Variants in ADAMTSL1 observed in about 807,000 individuals in gnomAD.
The protein encoded by ADAMTSL1 is ADAMTS-like protein 1.
ADAMTSL1 carries 126 observed loss-of-function variants against 201.8 expected under a neutral mutation model. That is an observed-to-expected ratio of 0.62 (90% CI 0.54 to 0.72). The LOEUF is 0.72. ADAMTSL1 is among the 30% of genes least tolerant of loss of function. The probability of loss-of-function intolerance (pLI) is 0.00; values close to 1 mark genes in which losing one functional copy is unlikely to be tolerated. For synonymous variants in ADAMTSL1, 1,121 were observed against 903.4 expected (o/e 1.24, Z -4.32); for missense variants, 2,679 against 2,277.8 (o/e 1.18, Z -3.59).
chr9:18,312,743 TGTCTTAAG>T (rs1324336512), intron 2 of ADAMTSL1, among the ~76,000 whole-genome samples: 1 of 152,204 alleles, frequency 6.6e-6, no homozygotes, highest in African/African-American at 2.4e-5. Flanking sequence ...CCTCTCTGAC[TGTCTTAAG>T]GTCTTTGAAA....
At chr9:18,372,189 T>A (rs1263267560) in intron 2 of ADAMTSL1, among the ~76,000 whole-genome samples, 2 of 152,090 alleles carry the variant, frequency 1.3e-5, no homozygotes, top group African/African-American at 4.8e-5. Context: ...CAAGAGGGAA[T>A]ACATAACAAA....
Position 18,465,884 on chromosome 9 carries a change from G to T in ADAMTSL1, c.208-38945G>T, listed in dbSNP as rs377294059. On this transcript the variant is annotated intron_variant, in intron 2 of 29. Transcript: ENST00000680146. ...CTGCCTCAGCCTCCAGAGTAGCTGG[G>T]ATTATAGGCGTGTGCCACCATGCCC... Among the ~76,000 whole-genome samples the T allele has an allele frequency of 1.8e-4, 27 of 152,244 alleles. No homozygotes were observed. The East Asian group carries it at 5.0e-3, about 28-fold the overall frequency.
intron 1 of ADAMTSL1, among the ~76,000 whole-genome samples, chr9:17,950,172 G>T (rs1827678510): frequency 6.6e-6 from 1 of 152,086 alleles, no homozygotes; most frequent in Non-Finnish European, 1.5e-5. Flanking sequence ...CTCCTAAAGT[G>T]TAGGGATTAC....
chr9:18,667,852 T>C lies in ADAMTSL1; in HGVS notation c.1085+5779T>C, dbSNP rs150749391. On this transcript the variant is annotated intron_variant, in intron 9 of 28. Coordinates refer to ENST00000380548, the MANE Select transcript of ADAMTSL1 (RefSeq NM_001040272.6). The stretch of plus-strand genomic sequence containing the variant: ...TTTTAACAACAGGAACTGTAAGTCC[T>C]AGGAAAATATGATCTTGAGAGTAAA... Among the ~76,000 whole-genome samples, 9 of 152,298 alleles carry C rather than the reference T, an allele frequency of 5.9e-5. No homozygotes were observed. The South Asian group carries it at 1.9e-3, about 32-fold the overall frequency.
chr9:18,710,972 A>G (rs1297188483), intron 14 of ADAMTSL1, among the ~76,000 whole-genome samples: 1 of 152,198 alleles, frequency 6.6e-6, no homozygotes, highest in Non-Finnish European at 1.5e-5. Flanking sequence ...CCAAAACGTT[A>G]CACATATGAA....
chr9:18,265,261 A>G (rs1832078576), intron 2 of ADAMTSL1, among the ~76,000 whole-genome samples: 1 of 150,930 alleles, frequency 6.6e-6, no homozygotes, highest in Non-Finnish European at 1.5e-5. Context: ...CTTCCCGGAT[A>G]CTCTTCTGCC....
intron 4 of ADAMTSL1, among the ~76,000 whole-genome samples, chr9:18,619,127 T>C (rs1207288977): frequency 6.6e-6 from 1 of 152,036 alleles, no homozygotes; most frequent in Non-Finnish European, 1.5e-5. Flanking sequence ...TAATAGCATG[T>C]GCACAGAGGG....
chr9:18,183,456 A>T (rs1479385144), intron 2 of ADAMTSL1, among the ~76,000 whole-genome samples: 1 of 152,218 alleles, frequency 6.6e-6, no homozygotes, highest in African/African-American at 2.4e-5. Flanking sequence ...AGACTGGGAG[A>T]AAGTATTTGC....
At chr9:18,110,342 C>A (rs1453083900) in intron 1 of ADAMTSL1, among the ~76,000 whole-genome samples, 1 of 144,954 alleles carries the variant, frequency 6.9e-6, no homozygotes, top group African/African-American at 2.5e-5. Flanking sequence ...ACTGGATTTG[C>A]GAACTGTGGC....
At chr9:18,716,475 C>A (rs200756036) in intron 14 of ADAMTSL1, among the ~76,000 whole-genome samples, 1 of 152,076 alleles carries the variant, frequency 6.6e-6, no homozygotes, top group Non-Finnish European at 1.5e-5. Context: ...CAGCCAAAAA[C>A]CACGTGAAAA....
At chr9:18,356,854 C>G (rs748266303) in intron 2 of ADAMTSL1, among the ~76,000 whole-genome samples, 4 of 152,138 alleles carry the variant, frequency 2.6e-5, no homozygotes, top group Non-Finnish European at 4.4e-5. Flanking sequence ...TTCTAAGAAG[C>G]AGAAAACTTT....
intron 1 of ADAMTSL1, among the ~76,000 whole-genome samples, chr9:18,082,829 C>T (rs1460179739): frequency 6.6e-6 from 1 of 152,134 alleles, no homozygotes; most frequent in Non-Finnish European, 1.5e-5. Flanking sequence ...GAAAAAATGC[C>T]TGGCCTCCAG....
intron 1 of ADAMTSL1, among the ~76,000 whole-genome samples, chr9:17,962,819 A>C (rs1817810403): frequency 6.6e-6 from 1 of 152,252 alleles, no homozygotes; most frequent in Admixed American, 6.5e-5. Flanking sequence ...ACAACTTTGC[A>C]CAGCGTGCAG....
chr9:18,828,286 G>C (rs1172925250), intron 22 of ADAMTSL1, among the ~76,000 whole-genome samples: 1 of 152,118 alleles, frequency 6.6e-6, no homozygotes, highest in Non-Finnish European at 1.5e-5. Context: ...TACTTTCAAA[G>C]CTGTAAGGAC....
chr9:18,036,143 G>T (rs567968584), intron 1 of ADAMTSL1, among the ~76,000 whole-genome samples: 1 of 152,270 alleles, frequency 6.6e-6, no homozygotes, highest in East Asian at 1.9e-4. Context: ...AGTAAAGAAT[G>T]ACAGAAGGAG....
intron 2 of ADAMTSL1, among the ~76,000 whole-genome samples, chr9:18,432,510 C>G (rs1819539261): frequency 1.3e-5 from 2 of 152,242 alleles, no homozygotes; most frequent in South Asian, 4.1e-4. Context: ...AACCCACATT[C>G]TGAATCTTAT....
intron 4 of ADAMTSL1, among the ~76,000 whole-genome samples, chr9:18,589,405 G>A (rs1264165748): frequency 6.6e-6 from 1 of 152,002 alleles, no homozygotes; most frequent in African/African-American, 2.4e-5. Context: ...AAACACTATG[G>A]ATTTTTGTAT....
rs57749719 is a variant in ADAMTSL1, at chr9:18,503,980, ATG to A, written c.64-824_64-823del. On this transcript the variant is annotated intron_variant, in intron 1 of 28. Coordinates refer to ENST00000380548, the MANE Select transcript of ADAMTSL1 (RefSeq NM_001040272.6). ...ATCTTCCTATATAATATGTGCATGC[ATG>A]TGTGTGTGTGTGTGTGTGTGTGTGC... 4.0e-3 allele frequency among the ~76,000 whole-genome samples: 597 copies of A among 147,876 alleles called. 3 individuals carry two copies. The highest frequency in any genetic ancestry group is 6.7e-3 in the African/African-American group (269 of 40,312).
chr9:18,022,297 G>A (rs1820509816), intron 1 of ADAMTSL1, among the ~76,000 whole-genome samples: 1 of 152,098 alleles, frequency 6.6e-6, no homozygotes, highest in African/African-American at 2.4e-5. Context: ...AGCTGCTCTG[G>A]GAGGCTGCAG....
Sources: allele counts gnomAD v4.1 joint callset (sites outside exome capture counted in the v4.1 genomes callset), GRCh38; gene constraint gnomAD v4.1.1; transcripts MANE v1.5; gene names NCBI Gene and HGNC (gene_info 2026-07-23, HGNC 2026-07-21).